LRRC4C: variants seen among roughly 807,000 people sequenced by gnomAD.
The protein encoded by LRRC4C is leucine rich repeat containing 4C.
A neutral mutation model predicts 33.6 loss-of-function variants in LRRC4C; 5 were observed. The observed-to-expected ratio is 0.15, with a 90% CI of 0.08 to 0.31. LRRC4C has a LOEUF of 0.31. LRRC4C is among the 10% of genes least tolerant of loss of function. The pLI is 1.00. For synonymous variants in LRRC4C, 329 were observed against 302.0 expected, an observed-to-expected ratio of 1.09 and a Z score of -0.93; for missense variants, 560 against 796.7, an observed-to-expected ratio of 0.70 and a Z score of 3.58.
chr11:40,696,405 C>CATATAT (rs111572351), intron 2 of LRRC4C, among the ~76,000 whole-genome samples: 6 of 142,342 alleles, frequency 4.2e-5, no homozygotes, highest in African/African-American at 1.6e-4. Context: ...GTATACACAC[C>CATATAT]ATATATATAT....
chr11:40,915,071 C>A (rs1361281881), intron 2 of LRRC4C, among the ~76,000 whole-genome samples: 1 of 152,142 alleles, frequency 6.6e-6, no homozygotes, highest in African/African-American at 2.4e-5. Flanking sequence ...GAAGAACATT[C>A]CATGCTCATG....
At chr11:40,120,803 C>T (rs944903241) in intron 6 of LRRC4C, among the ~76,000 whole-genome samples, 1 of 152,104 alleles carries the variant, frequency 6.6e-6, no homozygotes, top group African/African-American at 2.4e-5. Context: ...TAAAGGCAGC[C>T]ATGCTCAGTG....
intron 1 of LRRC4C, among the ~76,000 whole-genome samples, chr11:41,007,846 T>G (rs931126270): frequency 3.9e-5 from 6 of 152,248 alleles, no homozygotes; most frequent in Admixed American, 3.9e-4. Context: ...AATACAGCTA[T>G]TACAGAATGC....
chr11:40,269,285 C>G (rs1942510843), intron 4 of LRRC4C, among the ~76,000 whole-genome samples: 1 of 152,108 alleles, frequency 6.6e-6, no homozygotes. Context: ...AAGTAAATAT[C>G]ATGAAGACTA....
intron 2 of LRRC4C, among the ~76,000 whole-genome samples, chr11:40,672,145 G>A (rs1944155264): frequency 6.6e-6 from 1 of 152,164 alleles, no homozygotes; most frequent in Non-Finnish European, 1.5e-5. Context: ...AGAATGAAAA[G>A]TCCAAGATGA....
chr11:41,044,038 A>T (rs1319884980), intron 1 of LRRC4C, among the ~76,000 whole-genome samples: 2 of 152,178 alleles, frequency 1.3e-5, no homozygotes, highest in South Asian at 4.1e-4. Flanking sequence ...GAAGTGCAGT[A>T]GAAACAAGAT....
At chr11:41,112,150 A>C (rs987639343) in intron 1 of LRRC4C, among the ~76,000 whole-genome samples, 4 of 152,074 alleles carry the variant, frequency 2.6e-5, no homozygotes, top group African/African-American at 9.7e-5. Flanking sequence ...AACAGCCAGA[A>C]GCTGTCATGG....
At chr11:40,485,324 A>T (rs1367015693) in intron 3 of LRRC4C, among the ~76,000 whole-genome samples, 1 of 151,960 alleles carries the variant, frequency 6.6e-6, no homozygotes, top group Non-Finnish European at 1.5e-5. Flanking sequence ...AAAATTAGTA[A>T]TAAAAGGAAA....
chr11:40,437,734 A>C (rs1379556249), intron 3 of LRRC4C, among the ~76,000 whole-genome samples: 1 of 146,576 alleles, frequency 6.8e-6, no homozygotes, highest in African/African-American at 2.6e-5. Flanking sequence ...TTTCAGATGG[A>C]GTATTGCTCT....
intron 1 of LRRC4C, among the ~76,000 whole-genome samples, chr11:41,322,634 G>A (rs903563454): frequency 5.9e-5 from 9 of 152,002 alleles, no homozygotes; most frequent in African/African-American, 1.5e-4. Context: ...AAAAACATAC[G>A]GGTGTCTATC....
At chr11:41,032,977 GA>G (rs1157576701) in intron 1 of LRRC4C, among the ~76,000 whole-genome samples, 2 of 152,016 alleles carry the variant, frequency 1.3e-5, no homozygotes, top group Non-Finnish European at 2.9e-5. Context: ...TCTTGCACTA[GA>G]AAAAATATTC....
intron 3 of LRRC4C, among the ~76,000 whole-genome samples, chr11:40,361,021 A>C (rs1049927870): frequency 6.6e-6 from 1 of 152,202 alleles, no homozygotes; most frequent in African/African-American, 2.4e-5. Context: ...ATGGCTGCAG[A>C]AAAGGTTTTT....
At chr11:40,195,594 T>C (rs1403870201) in intron 5 of LRRC4C, among the ~76,000 whole-genome samples, 1 of 152,118 alleles carries the variant, frequency 6.6e-6, no homozygotes, top group Non-Finnish European at 1.5e-5. Context: ...ATTGTTCATC[T>C]TGGAAATGAA....
At chr11:40,169,127 A>G (rs1044440135) in intron 5 of LRRC4C, among the ~76,000 whole-genome samples, 5 of 152,144 alleles carry the variant, frequency 3.3e-5, no homozygotes, top group African/African-American at 9.7e-5. Context: ...ATAAACATAC[A>G]TGCATGTATA....
chr11:40,803,134 T>A (rs1029025547), intron 2 of LRRC4C, among the ~76,000 whole-genome samples: 1 of 152,228 alleles, frequency 6.6e-6, no homozygotes, highest in African/African-American at 2.4e-5. Context: ...AATATTTCTG[T>A]AATATTTGCT....
intron 2 of LRRC4C, among the ~76,000 whole-genome samples, chr11:40,825,684 G>A (rs997584576): frequency 1.3e-5 from 2 of 151,738 alleles, no homozygotes; most frequent in African/African-American, 4.8e-5. Flanking sequence ...TTCCTTCAGA[G>A]AATAGTAGAG....
intron 1 of LRRC4C, among the ~76,000 whole-genome samples, chr11:41,328,464 G>A (rs1052139809): frequency 6.6e-5 from 10 of 151,974 alleles, no homozygotes; most frequent in Admixed American, 2.0e-4. Context: ...TGTACCTAGC[G>A]TGGGTTAAGG....
intron 2 of LRRC4C, among the ~76,000 whole-genome samples, chr11:40,667,468 G>A (rs2136248726): frequency 6.6e-6 from 1 of 152,316 alleles, no homozygotes; most frequent in South Asian, 2.1e-4. Flanking sequence ...GAATGTAGGA[G>A]AGAATCTGCA....
intron 1 of LRRC4C, among the ~76,000 whole-genome samples, chr11:40,971,140 A>T (rs1278918294): frequency 6.6e-6 from 1 of 152,228 alleles, no homozygotes; most frequent in Non-Finnish European, 1.5e-5. Context: ...AAATTCACAT[A>T]AGTAAAGAGG....
Sources: gnomAD v4.1 joint callset for allele counts (sites outside exome capture counted in the v4.1 genomes callset) on GRCh38, gnomAD v4.1.1 for gene constraint, MANE v1.5 for transcripts, NCBI Gene and HGNC (gene_info 2026-07-23, HGNC 2026-07-21) for gene names.